GAS7: variants seen among roughly 807,000 people sequenced by gnomAD.
The protein encoded by GAS7 is growth arrest specific 7.
Under a neutral mutation model 71.1 loss-of-function variants are expected in GAS7, and 28 were observed. The observed-to-expected ratio is 0.39, with a 90% CI of 0.29 to 0.54. The LOEUF is 0.54. Among genes scored for constraint, GAS7 ranks in the 20% least tolerant of loss-of-function variants. The probability of loss-of-function intolerance (pLI) is 0.62; values close to 1 mark genes in which losing one functional copy is unlikely to be tolerated. For synonymous variants in GAS7, 258 were observed against 245.8 expected (o/e 1.05, Z -0.46); for missense variants, 436 against 627.8 (o/e 0.69, Z 3.27).
intron 1 of GAS7, among the ~76,000 whole-genome samples, chr17:10,187,023 G>A (rs1038800351): frequency 6.6e-6 from 1 of 152,232 alleles, no homozygotes; most frequent in Non-Finnish European, 1.5e-5. Context: ...TACCCATGTG[G>A]TGGTCAACAG....
At chr17:10,013,053 AGATCGTGCCACTGCAC>A (rs1295704477) in intron 2 of GAS7, among the ~76,000 whole-genome samples, 1 of 150,946 alleles carries the variant, frequency 6.6e-6, no homozygotes, top group Admixed American at 6.6e-5. Context: ...CAGTGAGCCG[AGATCGTGCCACTGCAC>A]TCCAGCCTGG....
intron 1 of GAS7, among the ~76,000 whole-genome samples, chr17:10,049,769 T>C (rs573600625): frequency 0.076 from 11,566 of 151,636 alleles, 1,055 homozygotes; most frequent in African/African-American, 0.22. Flanking sequence ...TACAGGTGCC[T>C]GCCACCACGC....
At chr17:10,131,971 G>A (rs1432698638) in intron 1 of GAS7, among the ~76,000 whole-genome samples, 1 of 152,174 alleles carries the variant, frequency 6.6e-6, no homozygotes, top group Non-Finnish European at 1.5e-5. Context: ...GTGCTCATGA[G>A]TGTATTAAAA....
chr17:9,994,252 G>C (rs1220144712), intron 2 of GAS7, among the ~76,000 whole-genome samples: 16 of 136,370 alleles, frequency 1.2e-4, no homozygotes, highest in African/African-American at 2.3e-4. Flanking sequence ...AACAAAGCTG[G>C]AGGCATCACG....
chr17:10,005,090 C>T (rs1452793104), intron 2 of GAS7, among the ~76,000 whole-genome samples: 1 of 140,786 alleles, frequency 7.1e-6, no homozygotes, highest in African/African-American at 2.8e-5. Flanking sequence ...TGCGTGTGTG[C>T]ACGCATACAT....
At chr17:10,067,879 C>T (rs1422490592) in intron 1 of GAS7, among the ~76,000 whole-genome samples, 3 of 152,152 alleles carry the variant, frequency 2.0e-5, no homozygotes, top group Non-Finnish European at 4.4e-5. Context: ...TCAGGTCCTT[C>T]GGAGGAAAGT....
chr17:10,007,473 A>C (rs2071582880), intron 2 of GAS7, among the ~76,000 whole-genome samples: 1 of 151,906 alleles, frequency 6.6e-6, no homozygotes, highest in South Asian at 2.1e-4. Context: ...AAAAATACAA[A>C]ATTAGCCAGG....
chr17:9,978,926 C>T (rs1478441018), intron 3 of GAS7, among the ~76,000 whole-genome samples: 1 of 152,108 alleles, frequency 6.6e-6, no homozygotes, highest in Non-Finnish European at 1.5e-5. Context: ...CCAGGTGATT[C>T]TTTGTTGTGA....
intron 1 of GAS7, among the ~76,000 whole-genome samples, chr17:10,194,562 G>A (rs1433420075): frequency 1.3e-5 from 2 of 152,160 alleles, no homozygotes; most frequent in Non-Finnish European, 2.9e-5. Context: ...CCACATGTGG[G>A]GTTCCCAGGT....
rs2067494703 is a variant in GAS7 at position 9,913,464 on chromosome 17, G to A, written c.*3764C>T. 4.3e-6 allele frequency: 1 copy of A among 232,528 alleles called. No individual in the cohort carries two copies. The highest frequency in any genetic ancestry group is 1.8e-4 in the South Asian group (1 of 5,512). The allele number at this position is 232,528 out of a possible 1,614,324, so 14.4% of individuals were successfully genotyped here. The stretch of plus-strand genomic sequence containing the variant: ...TATTTCCAAAAGGGACTTTGGCTCA[G>A]CCCAGATTTTTCTGCATCCATCCAC... On this transcript the variant is annotated 3_prime_UTR_variant, in exon 14 of 14. Coordinates refer to ENST00000432992, the MANE Select transcript of GAS7 (RefSeq NM_201433.2).
At chr17:10,085,373 G>A (rs956523597) in intron 1 of GAS7, among the ~76,000 whole-genome samples, 1 of 152,068 alleles carries the variant, frequency 6.6e-6, no homozygotes, top group Non-Finnish European at 1.5e-5. Context: ...TAGGCCTGCT[G>A]GGAGACAGAA....
chr17:10,144,468 C>T (rs993664496), intron 1 of GAS7, among the ~76,000 whole-genome samples: 8 of 152,166 alleles, frequency 5.3e-5, no homozygotes, highest in Non-Finnish European at 4.4e-5. Context: ...TGGCCAATCT[C>T]GGCAGATCCC....
intron 1 of GAS7, among the ~76,000 whole-genome samples, chr17:10,195,683 C>T (rs1190168185): frequency 1.3e-5 from 2 of 152,144 alleles, no homozygotes; most frequent in African/African-American, 4.8e-5. Context: ...CTATGGGCCC[C>T]CTCTCTAGTC....
At position 9,959,737 on chromosome 17, in the gene GAS7, C is replaced by T. The variant is rs1249244307; in HGVS notation, c.472-482G>A. Among the ~76,000 whole-genome samples, 7 of 152,210 alleles carry T rather than the reference C, an allele frequency of 4.6e-5. No homozygotes were observed. In the South Asian group the frequency reaches 1.0e-3, roughly 23 times the overall value. ...TAAATACACACAATGTGCACTGGGG[C>T]GCTGCTCGGTCACCTCCCTGACTCC... is the stretch of plus-strand genomic sequence containing the variant. On this transcript the variant is annotated intron_variant, in intron 4 of 13. Coordinates refer to ENST00000432992, the MANE Select transcript of GAS7 (RefSeq NM_201433.2). The surrounding 1 kb of genome is among the most constrained non-coding windows in gnomAD (Gnocchi z 5.0).
intron 8 of GAS7, among the ~76,000 whole-genome samples, chr17:9,938,935 G>A (rs1227241384): frequency 6.6e-6 from 1 of 152,190 alleles, no homozygotes; most frequent in African/African-American, 2.4e-5. Flanking sequence ...CATCCACACA[G>A]TAGCATGTAT....
At chr17:10,094,574 T>C (rs947183308) in intron 1 of GAS7, among the ~76,000 whole-genome samples, 3 of 152,070 alleles carry the variant, frequency 2.0e-5, no homozygotes, top group Non-Finnish European at 4.4e-5. Context: ...ATTCAAGCAA[T>C]TCTCCTGCCT....
At chr17:9,997,369 G>A (rs1258950736) in intron 2 of GAS7, among the ~76,000 whole-genome samples, 1 of 152,070 alleles carries the variant, frequency 6.6e-6, no homozygotes, top group East Asian at 1.9e-4. Context: ...GAAAAGATTG[G>A]CATATTTATC....
chr17:10,181,445 G>A (rs953517025), intron 1 of GAS7, among the ~76,000 whole-genome samples: 1 of 152,036 alleles, frequency 6.6e-6, no homozygotes, highest in Admixed American at 6.6e-5. Flanking sequence ...TAAAGAAGAG[G>A]ATGGGGGAGG....
At chr17:9,953,054 T>C (rs1282775239) in intron 5 of GAS7, among the ~76,000 whole-genome samples, 1 of 151,974 alleles carries the variant, frequency 6.6e-6, no homozygotes, top group African/African-American at 2.4e-5. Context: ...CATATGTTCA[T>C]TGCAGCACTA....
Sources: allele counts gnomAD v4.1 joint callset (sites outside exome capture counted in the v4.1 genomes callset), GRCh38; gene constraint gnomAD v4.1.1; non-coding constraint Gnocchi (gnomAD v3.1); transcripts MANE v1.5; gene names NCBI Gene and HGNC (gene_info 2026-07-23, HGNC 2026-07-21).